The following VANGL1 variants were observed in gnomAD, a reference collection of about 807,000 sequenced individuals.
The protein encoded by VANGL1 is VANGL planar cell polarity protein 1.
VANGL1 carries 18 observed loss-of-function variants against 48.4 expected under a neutral mutation model. That is an observed-to-expected ratio of 0.37 (90% CI 0.26 to 0.55). The LOEUF is 0.55. Ranked by LOEUF, VANGL1 falls within the 20% of genes least tolerant of loss-of-function variation. The pLI is 0.81. For missense variants in VANGL1, 667 were observed against 675.8 expected, an observed-to-expected ratio of 0.99 and a Z score of 0.14; for synonymous variants, 257 against 261.8, an observed-to-expected ratio of 0.98 and a Z score of 0.18.
At chr1:115,680,032 AG>A (rs1653326674) in intron 4 of VANGL1, among the ~76,000 whole-genome samples, 5 of 144,594 alleles carry the variant, frequency 3.5e-5, no homozygotes, top group African/African-American at 1.4e-4. Flanking sequence ...TATGTGAGAG[AG>A]AGAGAGAGAG....
At chr1:115,654,005 G>A (rs901571767) in intron 2 of VANGL1, among the ~76,000 whole-genome samples, 6 of 152,224 alleles carry the variant, frequency 3.9e-5, no homozygotes, top group Admixed American at 1.3e-4. Flanking sequence ...TAGAGAGCAC[G>A]GGCTGTGGTG....
chr1:115,647,752 C>T (rs1250145792), intron 1 of VANGL1, among the ~76,000 whole-genome samples: 1 of 152,070 alleles, frequency 6.6e-6, no homozygotes, highest in Non-Finnish European at 1.5e-5. Context: ...GAAGGTGGCA[C>T]AGGGTTAGAT....
chr1:115,643,539 CGTT>C (rs1239003640), intron 1 of VANGL1, among the ~76,000 whole-genome samples: 1 of 152,172 alleles, frequency 6.6e-6, no homozygotes, highest in Non-Finnish European at 1.5e-5. Flanking sequence ...CATTCCCAAA[CGTT>C]GATGTCTCTC....
rs1654086770 is a variant in VANGL1 at position 115,697,913 on chromosome 1, GCA to G, written c.*6535_*6536del. The stretch of plus-strand genomic sequence containing the variant: ...TATGACAAGGCCTGAGTGAGTTCCT[GCA>G]TAAACTGGGTAGTGGGCTCTTTTGA... On this transcript the variant is annotated 3_prime_UTR_variant, in exon 8 of 8. Transcript: ENST00000355485. The G allele has an allele frequency of 3.9e-5, 6 of 152,336 alleles. No homozygotes were observed. Among genetic ancestry groups the G allele is most frequent in the Admixed American group, 3.9e-4 (6 of 15,306 alleles). 9.4% of individuals were successfully genotyped at this position (152,336 alleles called of 1,614,324 possible).
chr1:115,662,976 G>A (rs553251582), intron 3 of VANGL1, among the ~76,000 whole-genome samples: 133 of 152,138 alleles, frequency 8.7e-4, no homozygotes, highest in Middle Eastern at 6.8e-3. Flanking sequence ...TAGTAGAGAC[G>A]GGGTTTCACC....
At chr1:115,645,911 C>T (rs1404002844) in intron 1 of VANGL1, among the ~76,000 whole-genome samples, 1 of 152,208 alleles carries the variant, frequency 6.6e-6, no homozygotes, top group Non-Finnish European at 1.5e-5. Context: ...GTAACCCTTA[C>T]AAAGTAACTT....
chr1:115,649,426 C>T (rs1474687694), intron 1 of VANGL1, among the ~76,000 whole-genome samples: 8 of 152,132 alleles, frequency 5.3e-5, no homozygotes, highest in Admixed American at 3.3e-4. Flanking sequence ...ATGTGTGCTC[C>T]GTTCTGTCTG....
intron 4 of VANGL1, among the ~76,000 whole-genome samples, chr1:115,665,268 C>G (rs1652729764): frequency 6.6e-6 from 1 of 152,222 alleles, no homozygotes; most frequent in Non-Finnish European, 1.5e-5. Context: ...GAGATGTTCT[C>G]TGGGTGAATG....
chr1:115,654,504 A>G, intron 2 of VANGL1, among the ~76,000 whole-genome samples: 1 of 151,166 alleles, frequency 6.6e-6, no homozygotes, highest in Non-Finnish European at 1.5e-5. Context: ...GGGCTAAAAA[A>G]AAAAAAAAAA....
intron 4 of VANGL1, among the ~76,000 whole-genome samples, chr1:115,670,659 G>A (rs534184494): frequency 6.6e-6 from 1 of 152,284 alleles, no homozygotes; most frequent in African/African-American, 2.4e-5. Flanking sequence ...AGCACCAACG[G>A]TCTCTGAGAG....
At chr1:115,651,548 C>T (rs1475033449) in intron 2 of VANGL1, 64 bp downstream of exon 2, 1 of 1,433,934 alleles carries the variant, frequency 7.0e-7, no homozygotes, top group East Asian at 2.3e-5. Context: ...GTGGGGTTCT[C>T]TACACTCACT....
At position 115,664,026 on chromosome 1, in the gene VANGL1, G is replaced by A. The variant is rs1162452013; in HGVS notation, c.570G>A (p.Leu190=). Residue 190 remains leucine, a synonymous_variant, in exon 4 of 8, where the codon TTG becomes TTA. Coordinates refer to ENST00000355485, the MANE Select transcript of VANGL1 (RefSeq NM_138959.3). ...TGTTTGTGTTTCGTGCCCTTTTGTTGGTCCTCATCTTTCTCTTTGTGGTTT... is the reference window on the plus strand; with the variant it reads ...TGTTTGTGTTTCGTGCCCTTTTGTTAGTCCTCATCTTTCTCTTTGTGGTTT... ...PRVFVFRALL[L]VLIFLFVVSY... 6.2e-7 allele frequency: 1 copy of A among 1,614,020 alleles called. No individual in the cohort carries two copies. Among genetic ancestry groups the A allele is most frequent in the African/African-American group, 1.3e-5 (1 of 74,922 alleles).
chr1:115,689,343 G>C (rs1250199180), intron 7 of VANGL1, among the ~76,000 whole-genome samples: 1 of 136,136 alleles, frequency 7.3e-6, no homozygotes, highest in Non-Finnish European at 1.6e-5. Flanking sequence ...AATAAAAGAG[G>C]ATACCGGGCC....
intron 5 of VANGL1, among the ~76,000 whole-genome samples, chr1:115,683,355 G>A (rs1653463359): frequency 6.6e-6 from 1 of 152,180 alleles, no homozygotes. Context: ...CAGGGGACAG[G>A]ACAGGACTTC....
intron 4 of VANGL1, among the ~76,000 whole-genome samples, chr1:115,670,672 C>T (rs1370524039): frequency 6.6e-6 from 1 of 152,194 alleles, no homozygotes; most frequent in Non-Finnish European, 1.5e-5. Context: ...TCTGAGAGCC[C>T]AGAGCCAGTG....
chr1:115,648,413 A>G (rs1652016017), intron 1 of VANGL1, among the ~76,000 whole-genome samples: 1 of 152,144 alleles, frequency 6.6e-6, no homozygotes, highest in Admixed American at 6.5e-5. Flanking sequence ...GGAAGGAACC[A>G]TGGGAGGGAA....
chr1:115,677,143 G>A (rs948918701), intron 4 of VANGL1, among the ~76,000 whole-genome samples: 1 of 152,178 alleles, frequency 6.6e-6, no homozygotes, highest in Admixed American at 6.5e-5. Flanking sequence ...AATTTGGTTT[G>A]TATTTTTTTC....
At chr1:115,646,577 G>A (rs1161918460) in intron 1 of VANGL1, among the ~76,000 whole-genome samples, 1 of 142,656 alleles carries the variant, frequency 7.0e-6, no homozygotes, top group South Asian at 2.2e-4. Context: ...CTAAAACTAA[G>A]GATTTAAAAT....
chr1:115,654,434 C>A (rs778024076), intron 2 of VANGL1, among the ~76,000 whole-genome samples: 9 of 144,914 alleles, frequency 6.2e-5, no homozygotes, highest in Admixed American at 1.4e-4. Context: ...GCTGACCCCG[C>A]CTAACTTTTG....
Sources: gnomAD v4.1 joint callset for allele counts (sites outside exome capture counted in the v4.1 genomes callset) on GRCh38, gnomAD v4.1.1 for gene constraint, MANE v1.5 for transcripts, NCBI Gene and HGNC (gene_info 2026-07-23, HGNC 2026-07-21) for gene names.